Variants in TACR3 observed in about 807,000 individuals in gnomAD.
The protein encoded by TACR3 is tachykinin receptor 3.
Under a neutral mutation model 35.0 loss-of-function variants are expected in TACR3, and 34 were observed. The observed-to-expected ratio is 0.97, with a 90% CI of 0.74 to 1.30. The LOEUF is 1.30. TACR3 is among the 50% of genes most tolerant of loss of function. TACR3 has a pLI of 0.00. For synonymous variants in TACR3, 233 were observed against 221.1 expected (o/e 1.05, Z -0.48); for missense variants, 558 against 591.7 (o/e 0.94, Z 0.59).
chr4:103,670,101 A>G lies in TACR3; in HGVS notation c.549-11698T>C, dbSNP rs980695146. ...TCTTGTCAAACTTGTCATTTCCCCAATGTATGTTCCTGGCACCTTTGTTGA... is the reference window on the plus strand; with the variant it reads ...TCTTGTCAAACTTGTCATTTCCCCAGTGTATGTTCCTGGCACCTTTGTTGA... On this transcript the variant is annotated intron_variant, in intron 1 of 4. Transcript: ENST00000304883. Among the ~76,000 whole-genome samples the G allele has an allele frequency of 1.3e-4, 19 of 151,982 alleles. No individual in the cohort carries two copies. In the South Asian group the frequency reaches 1.9e-3, roughly 15 times the overall value.
At chr4:103,709,525 G>A (rs1038410835) in intron 1 of TACR3, among the ~76,000 whole-genome samples, 11 of 152,110 alleles carry the variant, frequency 7.2e-5, no homozygotes, top group African/African-American at 2.4e-4. Context: ...ATAGAAAGGA[G>A]CAACTGGTAG....
intron 4 of TACR3, 190 bp downstream of exon 4, chr4:103,591,293 ATTAT>A: frequency 1.6e-6 from 1 of 634,460 alleles, no homozygotes; most frequent in Non-Finnish European, 2.8e-6. Flanking sequence ...GGGGCATCTA[ATTAT>A]TAATGTGGGA....
chr4:103,610,240 T>C (rs1724482981), intron 3 of TACR3, among the ~76,000 whole-genome samples: 1 of 152,088 alleles, frequency 6.6e-6, no homozygotes, highest in African/African-American at 2.4e-5. Flanking sequence ...GTCCCTCCAA[T>C]AGTGTATAAG....
intron 1 of TACR3, among the ~76,000 whole-genome samples, chr4:103,707,933 A>G (rs1722834890): frequency 6.6e-6 from 1 of 152,178 alleles, no homozygotes; most frequent in East Asian, 1.9e-4. Context: ...TCGAGCTGCA[A>G]GGAGGCAGTG....
intron 3 of TACR3, among the ~76,000 whole-genome samples, chr4:103,614,886 T>TG (rs1724603323): frequency 2.4e-5 from 2 of 82,764 alleles, no homozygotes; most frequent in African/African-American, 1.2e-4. Context: ...ATGAATGTGT[T>TG]TTTTTTTTTT....
At chr4:103,615,850 T>C (rs1724645661) in intron 3 of TACR3, among the ~76,000 whole-genome samples, 3 of 152,190 alleles carry the variant, frequency 2.0e-5, no homozygotes. Flanking sequence ...TTTGTTTGTA[T>C]TTAAGATTTC....
At chr4:103,610,938 T>A (rs1398060493) in intron 3 of TACR3, among the ~76,000 whole-genome samples, 1 of 152,120 alleles carries the variant, frequency 6.6e-6, no homozygotes. Context: ...GGGTGTAAAG[T>A]GTGGATTTAT....
intron 1 of TACR3, among the ~76,000 whole-genome samples, chr4:103,710,000 T>C (rs1356323590): frequency 6.6e-6 from 1 of 152,112 alleles, no homozygotes; most frequent in Non-Finnish European, 1.5e-5. Flanking sequence ...AGCACCCAGA[T>C]TCATAAAGCA....
At chr4:103,718,890 A>C (rs1455523828) in intron 1 of TACR3, among the ~76,000 whole-genome samples, 1 of 152,160 alleles carries the variant, frequency 6.6e-6, no homozygotes, top group African/African-American at 2.4e-5. Flanking sequence ...CAGTCCCTCT[A>C]GATATCCTTA....
chr4:103,664,013 G>C (rs1272126901), intron 1 of TACR3, among the ~76,000 whole-genome samples: 1 of 152,128 alleles, frequency 6.6e-6, no homozygotes, highest in Non-Finnish European at 1.5e-5. Context: ...AAAGACATTA[G>C]AATCTCCTTA....
intron 3 of TACR3, among the ~76,000 whole-genome samples, chr4:103,619,396 G>A (rs1724729716): frequency 6.6e-6 from 1 of 152,110 alleles, no homozygotes; most frequent in Admixed American, 6.5e-5. Flanking sequence ...CACCATGTTG[G>A]CCAGGCTGGT....
At chr4:103,635,864 C>A (rs1725176617) in intron 3 of TACR3, among the ~76,000 whole-genome samples, 1 of 151,924 alleles carries the variant, frequency 6.6e-6, no homozygotes, top group African/African-American at 2.4e-5. Context: ...AGTCTAGCAA[C>A]CAGCAGTCCT....
At chr4:103,616,684 C>T (rs919007267) in intron 3 of TACR3, among the ~76,000 whole-genome samples, 2 of 152,174 alleles carry the variant, frequency 1.3e-5, no homozygotes, top group Non-Finnish European at 2.9e-5. Flanking sequence ...CAGTGGCTCA[C>T]GCCTGTAATT....
chr4:103,667,471 ATAAC>A (rs1725959141), intron 1 of TACR3, among the ~76,000 whole-genome samples: 1 of 152,202 alleles, frequency 6.6e-6, no homozygotes, highest in Non-Finnish European at 1.5e-5. Context: ...AAATAACTAA[ATAAC>A]TAAGAGACTA....
chr4:103,667,173 A>C (rs1420760117), intron 1 of TACR3, among the ~76,000 whole-genome samples: 1 of 152,078 alleles, frequency 6.6e-6, no homozygotes. Context: ...CAGGAGAATC[A>C]CTTGAACCCA....
intron 3 of TACR3, among the ~76,000 whole-genome samples, chr4:103,636,551 T>A (rs1471373503): frequency 6.6e-6 from 1 of 151,996 alleles, no homozygotes; most frequent in Non-Finnish European, 1.5e-5. Flanking sequence ...TGGTAACACA[T>A]TCAAAAGCTA....
chr4:103,647,898 C>T (rs1001691996), intron 3 of TACR3, among the ~76,000 whole-genome samples: 17 of 151,842 alleles, frequency 1.1e-4, no homozygotes, highest in African/African-American at 3.9e-4. Context: ...CTAAAAGTTT[C>T]ATATTAATTC....
chr4:103,657,188 G>C lies in TACR3; in HGVS notation c.738-844C>G, dbSNP rs1031046310. On this transcript the variant is annotated intron_variant, in intron 2 of 4. Coordinates refer to ENST00000304883, the MANE Select transcript of TACR3 (RefSeq NM_001059.3). ...TGGAAAGCTTTAAAGTAATTAAAAA[G>C]TTTGTTAGAACGGTCTTCTCCATAC... Among the ~76,000 whole-genome samples, 4 of 151,500 alleles carry C rather than the reference G, an allele frequency of 2.6e-5. No homozygotes were observed. The East Asian group carries it at 7.8e-4, about 29-fold the overall frequency.
intron 3 of TACR3, among the ~76,000 whole-genome samples, chr4:103,647,548 G>T (rs1725488638): frequency 6.6e-6 from 1 of 151,762 alleles, no homozygotes; most frequent in South Asian, 2.1e-4. Flanking sequence ...GAGAGCTTTG[G>T]CAAGATTAGT....
Sources: allele counts gnomAD v4.1 joint callset (sites outside exome capture counted in the v4.1 genomes callset), GRCh38; gene constraint gnomAD v4.1.1; transcripts MANE v1.5; gene names NCBI Gene and HGNC (gene_info 2026-07-23, HGNC 2026-07-21).